RORB: variants seen among roughly 807,000 people sequenced by gnomAD.
RORB encodes RAR related orphan receptor B, also known as nuclear receptor ROR-beta.
Under a neutral mutation model 59.1 loss-of-function variants are expected in RORB, and 6 were observed. The observed-to-expected ratio is 0.10, with a 90% confidence interval of 0.06 to 0.20. The LOEUF (loss-of-function observed/expected upper bound fraction) is 0.20, where lower values mean the gene tolerates loss of function less well. Ranked by LOEUF, RORB falls within the 10% of genes least tolerant of loss-of-function variation. The pLI is 1.00. For synonymous variants in RORB, 215 were observed against 204.5 expected, an observed-to-expected ratio of 1.05 and a Z score of -0.44; for missense variants, 320 against 560.5, an observed-to-expected ratio of 0.57 and a Z score of 4.33.
chr9:74,672,316 T>G (rs1244800615), intron 9 of RORB, among the ~76,000 whole-genome samples: 2 of 152,158 alleles, frequency 1.3e-5, no homozygotes, highest in Non-Finnish European at 2.9e-5. Flanking sequence ...AATCAAATGA[T>G]GAGAATTGTT....
At chr9:74,567,688 C>T (rs1822489286) in intron 1 of RORB, among the ~76,000 whole-genome samples, 1 of 152,168 alleles carries the variant, frequency 6.6e-6, no homozygotes, top group African/African-American at 2.4e-5. Context: ...AGTCTCCCCT[C>T]ATTCTGAGAC....
In RORB at chr9:74,497,699, G is replaced by C; in HGVS notation, c.-278G>C. The C allele has an allele frequency of 6.0e-6, 3 of 503,364 alleles. No homozygotes were observed. 31.2% of individuals were successfully genotyped at this position (503,364 alleles called of 1,614,324 possible). On this transcript the variant is annotated 5_prime_UTR_variant, in exon 1 of 10. Coordinates refer to ENST00000376896, the MANE Select transcript of RORB (RefSeq NM_006914.4). ...AAACCAAAACAAAACCCAGGCACCA[G>C]ACAGCCAGAACATTTTTTTTTCACC... is the stretch of plus-strand genomic sequence containing the variant.
intron 1 of RORB, among the ~76,000 whole-genome samples, chr9:74,573,933 G>C (rs926330179): frequency 6.6e-6 from 1 of 152,046 alleles, no homozygotes; most frequent in Admixed American, 6.6e-5. Context: ...GGGAAATAAG[G>C]TCTGTGGTCA....
chr9:74,571,854 T>G (rs1264106085), intron 1 of RORB, among the ~76,000 whole-genome samples: 1 of 152,150 alleles, frequency 6.6e-6, no homozygotes, highest in Non-Finnish European at 1.5e-5. Context: ...TAGTAAATGC[T>G]TTCTGAGCCA....
chr9:74,563,158 G>A (rs994129449), intron 1 of RORB, among the ~76,000 whole-genome samples: 9 of 149,400 alleles, frequency 6.0e-5, no homozygotes, highest in South Asian at 2.1e-4. Flanking sequence ...GATCATGCAC[G>A]CCTTCAGTTG....
At chr9:74,550,794 G>A (rs995421731) in intron 1 of RORB, among the ~76,000 whole-genome samples, 1 of 152,188 alleles carries the variant, frequency 6.6e-6, no homozygotes, top group African/African-American at 2.4e-5. Flanking sequence ...TGAGCATTTA[G>A]AGCTGCATTG....
At chr9:74,628,720 A>G (rs1351464470) in intron 1 of RORB, among the ~76,000 whole-genome samples, 1 of 152,238 alleles carries the variant, frequency 6.6e-6, no homozygotes, top group Non-Finnish European at 1.5e-5. Context: ...GCAGATTGAT[A>G]TACAACGCAT....
chr9:74,663,388 A>G (rs548542653), intron 6 of RORB, among the ~76,000 whole-genome samples: 34 of 152,254 alleles, frequency 2.2e-4, no homozygotes, highest in Admixed American at 1.8e-3. Context: ...GAGGAGGAAA[A>G]GATTCAGAGA....
intron 1 of RORB, among the ~76,000 whole-genome samples, chr9:74,533,576 C>T (rs1017925187): frequency 1.3e-5 from 2 of 151,984 alleles, no homozygotes; most frequent in Admixed American, 1.3e-4. Flanking sequence ...TAAAAATCTA[C>T]TCCCCAACAC....
At chr9:74,561,215 G>A (rs932296377) in intron 1 of RORB, among the ~76,000 whole-genome samples, 1 of 152,048 alleles carries the variant, frequency 6.6e-6, no homozygotes, top group South Asian at 2.1e-4. Flanking sequence ...GTGAGGAATA[G>A]ACTATTTCAG....
At chr9:74,561,422 C>A (rs1289500560) in intron 1 of RORB, among the ~76,000 whole-genome samples, 1 of 152,040 alleles carries the variant, frequency 6.6e-6, no homozygotes, top group African/African-American at 2.4e-5. Flanking sequence ...TCTCTAAGTA[C>A]CAACTAAATG....
At chr9:74,669,253 C>G (rs573214826) in intron 8 of RORB, among the ~76,000 whole-genome samples, 2 of 152,128 alleles carry the variant, frequency 1.3e-5, no homozygotes, top group Non-Finnish European at 2.9e-5. Flanking sequence ...CCGAGGCCAG[C>G]GGATCACCTG....
At chr9:74,537,196 G>A (rs117106460) in intron 1 of RORB, among the ~76,000 whole-genome samples, 33 of 152,030 alleles carry the variant, frequency 2.2e-4, no homozygotes, top group Non-Finnish European at 4.4e-4. Flanking sequence ...ATCATTCATC[G>A]TTACCTCTTC....
intron 9 of RORB, among the ~76,000 whole-genome samples, chr9:74,682,792 A>C (rs577238944): frequency 6.6e-6 from 1 of 152,306 alleles, no homozygotes; most frequent in South Asian, 2.1e-4. Context: ...AAGTCTTGCT[A>C]TGTTGGCCAG....
intron 1 of RORB, among the ~76,000 whole-genome samples, chr9:74,551,019 CT>C (rs1563935100): frequency 6.6e-6 from 1 of 152,006 alleles, no homozygotes; most frequent in Non-Finnish European, 1.5e-5. Context: ...TTTCTTTTTA[CT>C]TTTTTTAATG....
intron 1 of RORB, among the ~76,000 whole-genome samples, chr9:74,569,066 T>C (rs1822511966): frequency 6.6e-6 from 1 of 152,068 alleles, no homozygotes; most frequent in African/African-American, 2.4e-5. Flanking sequence ...CTAGGATAAA[T>C]ATAAACCATT....
At chr9:74,504,646 G>A (rs1825844655) in intron 1 of RORB, among the ~76,000 whole-genome samples, 1 of 151,872 alleles carries the variant, frequency 6.6e-6, no homozygotes. Context: ...ATGTGGTCCT[G>A]GCTAATTTAG....
At chr9:74,668,910 C>G (rs769115825) in intron 8 of RORB, among the ~76,000 whole-genome samples, 1 of 152,170 alleles carries the variant, frequency 6.6e-6, no homozygotes, top group Non-Finnish European at 1.5e-5. Flanking sequence ...GGGAAAATGA[C>G]TCATACTGAA....
intron 1 of RORB, among the ~76,000 whole-genome samples, chr9:74,502,928 GTATT>G (rs1251895204): frequency 6.6e-6 from 1 of 151,714 alleles, no homozygotes; most frequent in Non-Finnish European, 1.5e-5. Flanking sequence ...AACTACTTCT[GTATT>G]TATTCTACAA....
Sources: allele counts gnomAD v4.1 joint callset (sites outside exome capture counted in the v4.1 genomes callset), GRCh38; gene constraint gnomAD v4.1.1; transcripts MANE v1.5; gene names NCBI Gene and HGNC (gene_info 2026-07-23, HGNC 2026-07-21).